SLC26A5: variants seen among roughly 807,000 people sequenced by gnomAD.
SLC26A5 encodes the protein prestin.
SLC26A5 carries 51 observed loss-of-function variants against 81.0 expected under a neutral mutation model. The observed-to-expected ratio is 0.63, with a 90% CI of 0.50 to 0.80. The LOEUF (loss-of-function observed/expected upper bound fraction) is 0.80. Ranked by LOEUF, SLC26A5 falls within the 30% of genes least tolerant of loss-of-function variation. SLC26A5 has a pLI of 0.00. For synonymous variants in SLC26A5, 325 were observed against 332.8 expected (o/e 0.98, Z 0.25); for missense variants, 771 against 905.8 (o/e 0.85, Z 1.91).
chr7:103,377,959 A>C (rs1821482696), intron 17 of SLC26A5, among the ~76,000 whole-genome samples, 160 bp from the exon 18 acceptor site: 1 of 152,228 alleles, frequency 6.6e-6, no homozygotes, highest in South Asian at 2.1e-4. Flanking sequence ...GTAACTGAAC[A>C]AAAAAAGGAT....
At chr7:103,399,785 T>C (rs1823429829) in intron 8 of SLC26A5, among the ~76,000 whole-genome samples, 1 of 152,172 alleles carries the variant, frequency 6.6e-6, no homozygotes, top group East Asian at 1.9e-4. Context: ...GTGTTCTCAT[T>C]GTTCAACTCC....
downstream of SLC26A5, among the ~76,000 whole-genome samples, chr7:103,373,084 C>G (rs953024794): frequency 6.6e-6 from 1 of 152,090 alleles, no homozygotes; most frequent in African/African-American, 2.4e-5. Context: ...AATGAAAGAA[C>G]TAGACAACCA....
chr7:103,411,656 CAA>C, intron 5 of SLC26A5, 70 bp from the exon 6 acceptor site: 1 of 1,548,566 alleles, frequency 6.5e-7, no homozygotes, highest in African/African-American at 1.4e-5. Context: ...GCCAGTACAC[CAA>C]GAGACAAAGG....
chr7:103,383,043 A>G (rs186632923), intron 14 of SLC26A5, among the ~76,000 whole-genome samples: 26 of 152,344 alleles, frequency 1.7e-4, no homozygotes, highest in Admixed American at 1.4e-3. Context: ...CATTCAGAGA[A>G]CACAAATGAT....
chr7:103,389,476 C>A (rs1162318158), intron 12 of SLC26A5, 52 bp from the exon 13 acceptor site: 1 of 1,339,816 alleles, frequency 7.5e-7, no homozygotes, highest in Admixed American at 1.7e-5. Flanking sequence ...ACAGAGTGTC[C>A]TTTGCTGGTT....
chr7:103,433,801 C>T (rs1044633480), intron 2 of SLC26A5, among the ~76,000 whole-genome samples: 1 of 149,420 alleles, frequency 6.7e-6, no homozygotes, highest in South Asian at 2.1e-4. Context: ...CTCCCGGGTT[C>T]ATGCCATTCT....
intron 2 of SLC26A5, among the ~76,000 whole-genome samples, chr7:103,432,125 A>G (rs1826125100): frequency 6.6e-6 from 1 of 152,132 alleles, no homozygotes; most frequent in Non-Finnish European, 1.5e-5. Context: ...CATGTTGCCT[A>G]GGCTGGTCTC....
At chr7:103,391,430 C>T (rs1822643884) in intron 11 of SLC26A5, among the ~76,000 whole-genome samples, 192 bp downstream of exon 11, 3 of 152,162 alleles carry the variant, frequency 2.0e-5, no homozygotes, top group Non-Finnish European at 4.4e-5. Context: ...GGAGAATATA[C>T]CTCTTTCCTA....
intron 19 of SLC26A5, among the ~76,000 whole-genome samples, chr7:103,353,464 G>A (rs1248584549): frequency 6.6e-6 from 1 of 152,090 alleles, no homozygotes; most frequent in Non-Finnish European, 1.5e-5. Flanking sequence ...GCGCCACCAT[G>A]CCAGGCCAAT....
intron 19 of SLC26A5, among the ~76,000 whole-genome samples, chr7:103,364,981 A>ATATATTTATT (rs950613120): frequency 1.4e-5 from 2 of 140,800 alleles, no homozygotes; most frequent in African/African-American, 5.2e-5. Context: ...ATATATATAT[A>ATATATTTATT]TATTTAGAGA....
chr7:103,409,677 C>A (rs559815541), intron 7 of SLC26A5, among the ~76,000 whole-genome samples: 1 of 151,712 alleles, frequency 6.6e-6, no homozygotes, highest in Non-Finnish European at 1.5e-5. Flanking sequence ...TCTTTTATAG[C>A]CTTACTTATT....
intron 8 of SLC26A5, among the ~76,000 whole-genome samples, chr7:103,403,011 A>T (rs1165022863): frequency 6.6e-6 from 1 of 152,174 alleles, no homozygotes; most frequent in Admixed American, 6.5e-5. Flanking sequence ...GTGGGCATTT[A>T]GTGCTATAAA....
chr7:103,419,473 T>C (rs912469784), intron 4 of SLC26A5, among the ~76,000 whole-genome samples: 1 of 152,158 alleles, frequency 6.6e-6, no homozygotes, highest in Non-Finnish European at 1.5e-5. Flanking sequence ...TCCTTCTGCC[T>C]GAAATGCATT....
intron 9 of SLC26A5, among the ~76,000 whole-genome samples, chr7:103,396,281 C>T (rs1823103535): frequency 1.3e-5 from 2 of 152,064 alleles, no homozygotes; most frequent in South Asian, 4.1e-4. Context: ...GTATGAAAGG[C>T]TCTCAAAAAA....
chr7:103,404,081 G>A (rs1823830074), intron 8 of SLC26A5, among the ~76,000 whole-genome samples: 2 of 152,076 alleles, frequency 1.3e-5, no homozygotes, highest in Non-Finnish European at 2.9e-5. Flanking sequence ...TACTCAGGAG[G>A]CTGAAGCAGG....
intron 8 of SLC26A5, among the ~76,000 whole-genome samples, chr7:103,403,248 T>C (rs899701466): frequency 2.6e-5 from 4 of 152,248 alleles, no homozygotes; most frequent in African/African-American, 7.2e-5. Flanking sequence ...CTGTTTGTTA[T>C]GATTTCCATT....
At chr7:103,353,026 T>C (rs1819812309) in intron 19 of SLC26A5, 1 of 772,700 alleles carries the variant, frequency 1.3e-6, no homozygotes, top group African/African-American at 1.7e-5. Context: ...TGAGTATTGA[T>C]TTGGGGATTA....
rs1259726836 is a variant in SLC26A5 at position 103,410,428 on chromosome 7, C to T, written c.692G>A (p.Gly231Glu). The change falls in exon 7 of 20, where the codon GGA (glycine) becomes GAA (glutamate). Residue 231 changes from glycine (G) to glutamate (E), a missense_variant. By Grantham distance (98) the Gly-to-Glu change is moderately conservative. Coordinates refer to ENST00000306312, the MANE Select transcript of SLC26A5 (RefSeq NM_198999.3). ...VFTSMLKYLF[G>E]VKTKRYSGIF... Reference sequence around the variant, plus strand: ...TCCACTGTACCGCTTTGTTTTAACTCCAAACAGATATTTTAACATGGAGGT... The same window carrying T: ...TCCACTGTACCGCTTTGTTTTAACTTCAAACAGATATTTTAACATGGAGGT... 3.1e-6 allele frequency: 5 copies of T among 1,614,090 alleles called. No individual in the cohort carries two copies. The highest frequency in any genetic ancestry group is 4.2e-6 in the Non-Finnish European group (5 of 1,179,982).
chr7:103,405,680 C>T (rs574872517), intron 8 of SLC26A5, among the ~76,000 whole-genome samples: 1 of 152,324 alleles, frequency 6.6e-6, no homozygotes, highest in South Asian at 2.1e-4. Flanking sequence ...AGAAGGCAGT[C>T]TGACCCTTAG....
Sources: allele counts gnomAD v4.1 joint callset (sites outside exome capture counted in the v4.1 genomes callset), GRCh38; gene constraint gnomAD v4.1.1; transcripts MANE v1.5; gene names NCBI Gene and HGNC (gene_info 2026-07-23, HGNC 2026-07-21).